TMEM235: variants seen among roughly 807,000 people sequenced by gnomAD.
TMEM235 encodes the protein transmembrane protein 235, also known as claudin-27.
TMEM235 carries 23 observed loss-of-function variants against 22.9 expected under a neutral mutation model. The ratio of observed to expected loss-of-function variants is 1.00; its 90% CI spans 0.72 to 1.42. TMEM235 has a LOEUF of 1.42. TMEM235 is among the 40% of genes most tolerant of loss of function. The probability of loss-of-function intolerance (pLI) is 0.00; values close to 1 mark genes in which losing one functional copy is unlikely to be tolerated. For synonymous variants in TMEM235, 137 were observed against 140.5 expected, an observed-to-expected ratio of 0.98 and a Z score of 0.17; for missense variants, 308 against 299.5, an observed-to-expected ratio of 1.03 and a Z score of -0.21.
intron 5 of TMEM235, 148 bp from the exon 5 acceptor site, chr17:78,239,632 C>T (rs530510728): frequency 5.7e-6 from 8 of 1,410,748 alleles, no homozygotes; most frequent in Non-Finnish European, 7.5e-6. Context: ...CGCCCCTCCC[C>T]CAGCAGGCTA....
rs867274556 is a variant in TMEM235, at chr17:78,237,078, G to T, written c.410-1946G>T. Among the ~76,000 whole-genome samples, 7 of 152,184 alleles carry T rather than the reference G, an allele frequency of 4.6e-5. No homozygotes were observed. Among genetic ancestry groups the T allele is most frequent in the Admixed American group, 6.5e-5 (1 of 15,280 alleles). ...GCCTGGGAGCGAAGGCACCGGCTAG[G>T]GGGTGGAGGGGCCGGAGGTAGCTGG... On this transcript the variant is annotated intron_variant, in intron 4 of 5. Coordinates refer to ENST00000421688, the Ensembl canonical transcript of TMEM235. This position sits in a 1 kb window ranked among gnomAD's most constrained non-coding sequence, Gnocchi z 4.7.
chr17:78,231,890 C>G (rs2076583924), exon 2 of TMEM235: 8 of 1,097,494 alleles, frequency 7.3e-6, no homozygotes, highest in Non-Finnish European at 9.0e-6. Flanking sequence ...CGGGCAGGAG[C>G]GGGGACGTGC....
chr17:78,239,976 C>T lies in TMEM235; in HGVS notation c.*184C>T, dbSNP rs1443701994. 8.4e-6 allele frequency: 13 copies of T among 1,547,470 alleles called. No individual in the cohort carries two copies. The East Asian group carries it at 1.2e-4, about 15-fold the overall frequency. ...CAGGGGTGGGGGGCAAGGAGCTGAG[C>T]GATCCAGATGTACCCCTCTGCCCCC... On this transcript the variant is annotated 3_prime_UTR_variant, in exon 6 of 6. Coordinates refer to ENST00000421688, the Ensembl canonical transcript of TMEM235.
chr17:78,240,135 C>A, exon 6 of TMEM235: 2 of 1,215,782 alleles, frequency 1.6e-6, no homozygotes, highest in Non-Finnish European at 1.1e-6. Flanking sequence ...TGCAGCAACC[C>A]GGGGGAGGTA....
intron 4 of TMEM235, among the ~76,000 whole-genome samples, chr17:78,235,501 G>A (rs2076632565): frequency 6.6e-6 from 1 of 151,814 alleles, no homozygotes; most frequent in Non-Finnish European, 1.5e-5. Flanking sequence ...TGGTGAGGCT[G>A]GTCTTGAACT....
chr17:78,234,307 G>A, intron 3 of TMEM235: 1 of 692,196 alleles, frequency 1.4e-6, no homozygotes, highest in Non-Finnish European at 2.6e-6. Context: ...GATTCTTCCA[G>A]ATGGCCTGCT....
chr17:78,231,890 C>A (rs2076583924), exon 2 of TMEM235: 3 of 1,097,494 alleles, frequency 2.7e-6, no homozygotes, highest in Non-Finnish European at 2.2e-6. Flanking sequence ...CGGGCAGGAG[C>A]GGGGACGTGC....
chr17:78,234,446 C>A (rs925395455), intron 3 of TMEM235, 147 bp from the exon 3 acceptor site: 30 of 1,209,844 alleles, frequency 2.5e-5, no homozygotes, highest in Non-Finnish European at 3.2e-5. Flanking sequence ...TCAGAGGGGG[C>A]CACTGGGAGG....
chr17:78,233,613 C>T (rs113317380), intron 2 of TMEM235, among the ~76,000 whole-genome samples: 13,032 of 151,264 alleles, frequency 0.086, 812 homozygotes, highest in Middle Eastern at 0.2. Context: ...GAGAATGGCG[C>T]GAAACCGGGA....
chr17:78,234,762 A>AAGATGGG (rs1271281738), intron 4 of TMEM235, 32 bp downstream of exon 3: 12 of 1,535,538 alleles, frequency 7.8e-6, no homozygotes, highest in Non-Finnish European at 7.8e-6. Flanking sequence ...AATGGCTCCA[A>AAGATGGG]AGATGGGAGC....
At position 78,238,367 on chromosome 17, in the gene TMEM235, G is replaced by T. The variant is rs1273827745; in HGVS notation, c.410-657G>T. Among the ~76,000 whole-genome samples the T allele has an allele frequency of 1.3e-5, 2 of 152,104 alleles. No homozygotes were observed. Among genetic ancestry groups the T allele is most frequent in the Non-Finnish European group, 2.9e-5 (2 of 68,008 alleles). On this transcript the variant is annotated intron_variant, in intron 4 of 5. Coordinates refer to ENST00000421688, the Ensembl canonical transcript of TMEM235. This position sits in a 1 kb window ranked among gnomAD's most constrained non-coding sequence, Gnocchi z 4.3. ...CCCAGGGCAGGCATCCTCCCCTGGG[G>T]AAGGGCCTGAAACTCAGAGCTGGGA...
chr17:78,233,889 T>G lies in TMEM235; in HGVS notation c.191-6T>G, dbSNP rs1168832801. Reference sequence around the variant, plus strand: ...GGCCCCAGGCTTCGAGGCCTATGTTTCCCAGGGCAGAACGGCTGCATCCCG... The same window carrying G: ...GGCCCCAGGCTTCGAGGCCTATGTTGCCCAGGGCAGAACGGCTGCATCCCG... On this transcript the variant is annotated splice_region_variant and splice_polypyrimidine_tract_variant and intron_variant, in intron 2 of 5. Coordinates refer to ENST00000421688, the Ensembl canonical transcript of TMEM235. The G allele has an allele frequency of 6.5e-7, 1 of 1,535,800 alleles. No individual in the cohort carries two copies. The highest frequency in any genetic ancestry group is 8.7e-7 in the Non-Finnish European group (1 of 1,146,804).
chr17:78,233,756 A>G (rs1343950228), intron 2 of TMEM235, 139 bp from the exon 2 acceptor site: 2 of 656,950 alleles, frequency 3.0e-6, no homozygotes, highest in South Asian at 3.5e-5. Context: ...TTTTCATCCC[A>G]CTTGGAGTCC....
In TMEM235 at chr17:78,233,885, T is replaced by C. The variant is rs1431258707; in HGVS notation, c.191-10T>C. 6 of 1,535,896 alleles carry C rather than the reference T, an allele frequency of 3.9e-6. No homozygotes were observed. In the South Asian group the frequency reaches 7.1e-5, roughly 18 times the overall value. The stretch of plus-strand genomic sequence containing the variant: ...TCCAGGCCCCAGGCTTCGAGGCCTA[T>C]GTTTCCCAGGGCAGAACGGCTGCAT... On this transcript the variant is annotated splice_polypyrimidine_tract_variant and intron_variant, in intron 2 of 5. Transcript: ENST00000421688.
exon 2 of TMEM235, chr17:78,231,993 C>T (rs2076586169): frequency 8.3e-7 from 1 of 1,202,972 alleles, no homozygotes; most frequent in Non-Finnish European, 1.0e-6. Context: ...CCCTGCTACC[C>T]CCGACCCGTC....
chr17:78,231,317 A>G, upstream of TMEM235: 1 of 1,053,626 alleles, frequency 9.5e-7, no homozygotes, highest in Non-Finnish European at 1.2e-6. Flanking sequence ...CCTGTCCTAG[A>G]AGGTTCTTTC....
In TMEM235 at chr17:78,239,782, G is replaced by T. The variant is rs1326218522; in HGVS notation, c.662G>T (p.Gly221Val). 3.9e-6 allele frequency: 6 copies of T among 1,545,690 alleles called. No homozygotes were observed. The East Asian group carries it at 1.5e-4, about 38-fold the overall frequency. The change falls in exon 6 of 6, where the codon GGG becomes GTG. Residue 221 changes from glycine (G) to valine (V), a missense_variant and splice_region_variant. Gly to Val is a moderately radical substitution (Grantham distance 109, BLOSUM62 -3). Transcript: ENST00000421688. ...ACTACCCTTTATCCATTTTACAGAG[G>T]GGGAGACTGAGGCCCAGAGCGGCAG... is the stretch of plus-strand genomic sequence containing the variant.
At chr17:78,234,600 C>T in exon 4 of TMEM235, 1 of 1,536,218 alleles carries the variant, frequency 6.5e-7, no homozygotes, top group Non-Finnish European at 8.7e-7. Flanking sequence ...CAGTGCTGCA[C>T]CGTGCAGTCA....
exon 6 of TMEM235, chr17:78,240,300 G>C (rs2081107773): frequency 7.9e-6 from 2 of 253,926 alleles, no homozygotes; most frequent in South Asian, 1.0e-4. Flanking sequence ...TGACCACAGG[G>C]GCCAGGGCTG....
Sources: gnomAD v4.1 joint callset for allele counts (sites outside exome capture counted in the v4.1 genomes callset) on GRCh38, gnomAD v4.1.1 for gene constraint, Gnocchi (gnomAD v3.1) non-coding constraint, MANE v1.5 for transcripts, NCBI Gene and HGNC (gene_info 2026-07-23, HGNC 2026-07-21) for gene names.